The following LRP2 variants were observed in gnomAD, a reference collection of about 807,000 sequenced individuals.
LRP2 encodes LDL receptor related protein 2.
Under a neutral mutation model 531.0 loss-of-function variants are expected in LRP2, and 172 were observed. The ratio of observed to expected loss-of-function variants is 0.32; its 90% CI spans 0.29 to 0.37. LRP2 has a LOEUF of 0.37. LRP2 is among the 10% of genes least tolerant of loss of function. The pLI, the probability that LRP2 is intolerant of heterozygous loss-of-function variation, is 1.00. For synonymous variants in LRP2, 1,992 were observed against 2,027.6 expected, an observed-to-expected ratio of 0.98 and a Z score of 0.47; for missense variants, 5,167 against 5,868.3, an observed-to-expected ratio of 0.88 and a Z score of 3.90.
Position 169,244,383 on chromosome 2 carries a change from A to G in LRP2, c.3430+310T>C, listed in dbSNP as rs570216390. ...TATATGACTTTTAGTATTGTTTTAA[A>G]TATATAAATAGATAGCTGAGGGATT... is the stretch of plus-strand genomic sequence containing the variant. On this transcript the variant is annotated intron_variant, in intron 22 of 78. Transcript: ENST00000649046. Among the ~76,000 whole-genome samples, 23 of 152,342 alleles carry G rather than the reference A, an allele frequency of 1.5e-4. No homozygotes were observed. The South Asian group carries it at 4.8e-3, about 32-fold the overall frequency.
At chr2:169,237,037 T>C in intron 28 of LRP2, 66 bp downstream of exon 28, 2 of 1,345,590 alleles carry the variant, frequency 1.5e-6, no homozygotes, top group South Asian at 1.2e-5. Flanking sequence ...AGCTACATCA[T>C]GTTACTGTTG....
In LRP2 at chr2:169,215,791, A is replaced by G. The variant is rs1428279770; in HGVS notation, c.5826+462T>C. On this transcript the variant is annotated intron_variant, in intron 35 of 78. Transcript: ENST00000649046. ...TCTATATAGATCATATATAGAATCT[A>G]TATAGATTCTATATACCATATAGTA... Among the ~76,000 whole-genome samples the G allele has an allele frequency of 2.7e-5, 4 of 148,170 alleles. No individual in the cohort carries two copies. In the East Asian group the frequency reaches 7.8e-4, roughly 29 times the overall value.
In LRP2 at chr2:169,225,324, T is replaced by C; in HGVS notation, c.5524A>G (p.Thr1842Ala). The change falls in exon 33 of 79, where the codon ACT becomes GCT. Residue 1842 changes from threonine to alanine, a missense_variant. Around this residue, in one of 6 missense-constraint regions of LRP2, gnomAD observed 2,811 missense variants for 3,058.0 expected, o/e 0.92. Coordinates refer to ENST00000649046, the MANE Select transcript of LRP2 (RefSeq NM_004525.3). ...GGAATCATTACCTCGATTGACTGAG[T>C]TCTAGGATTGGTAGAATAAAGGTTT... ...SRNLYSTNPR[T>A]QSIEVLTLHG... The C allele has an allele frequency of 6.2e-7, 1 of 1,613,820 alleles. No homozygotes were observed. The highest frequency in any genetic ancestry group is 8.5e-7 in the Non-Finnish European group (1 of 1,179,846).
chr2:169,232,488 C>T (rs1816039), intron 30 of LRP2, among the ~76,000 whole-genome samples: 18,529 of 152,054 alleles, frequency 0.12, 1,604 homozygotes, highest in African/African-American at 0.24. Context: ...ATTCTAAGCA[C>T]TGGGGACGCT....
chr2:169,231,756 A>C lies in LRP2; in HGVS notation c.5185T>G (p.Ser1729Ala). The C allele has an allele frequency of 6.2e-7, 1 of 1,614,128 alleles. No individual in the cohort carries two copies. The highest frequency in any genetic ancestry group is 8.5e-7 in the Non-Finnish European group (1 of 1,179,976). Residue 1729 changes from serine to alanine, a missense_variant, in exon 31 of 79, where the codon TCA (serine) becomes GCA (alanine). Around this residue, in one of 6 missense-constraint regions of LRP2, gnomAD observed 2,811 missense variants for 3,058.0 expected, o/e 0.92. Transcript: ENST00000649046. ...GPHFYSCVCP[S>A]GWSLSPDLLN... ...AGATCAGGAGACAGACTCCATCCTG[A>C]AGGACAAACACAGGAGTAAAAATGA...
At chr2:169,151,121 T>A in intron 67 of LRP2, 95 bp from the exon 68 acceptor site, 1 of 1,276,546 alleles carries the variant, frequency 7.8e-7, no homozygotes, top group Non-Finnish European at 1.1e-6. Context: ...GTTTGGCTGG[T>A]GAGACAGCTG....
At chr2:169,139,697 G>A in intron 72 of LRP2, 87 bp from the exon 73 acceptor site, 3 of 1,099,776 alleles carry the variant, frequency 2.7e-6, no homozygotes, top group Non-Finnish European at 4.2e-6. Flanking sequence ...AGTAGAGAGA[G>A]CTTTGACTGC....
intron 16 of LRP2, among the ~76,000 whole-genome samples, chr2:169,263,317 A>G (rs572943373): frequency 6.6e-6 from 1 of 152,180 alleles, no homozygotes; most frequent in East Asian, 1.9e-4. Context: ...CAACCCACAA[A>G]ATGGGAGAAA....
At chr2:169,154,007 T>G (rs915297145) in intron 66 of LRP2, among the ~76,000 whole-genome samples, 2 of 152,328 alleles carry the variant, frequency 1.3e-5, no homozygotes, top group East Asian at 3.9e-4. Context: ...CAACTAGCTA[T>G]ATAACTTAGA....
chr2:169,262,760 G>A (rs1049772741), intron 16 of LRP2, among the ~76,000 whole-genome samples: 8 of 150,802 alleles, frequency 5.3e-5, no homozygotes, highest in African/African-American at 1.2e-4. Context: ...AAGCTCATAT[G>A]GAACCAAAAA....
chr2:169,351,717 T>A (rs1459121062), intron 1 of LRP2, among the ~76,000 whole-genome samples: 1 of 152,194 alleles, frequency 6.6e-6, no homozygotes, highest in Non-Finnish European at 1.5e-5. Context: ...AAGCTTGAGA[T>A]TGGCTTCATG....
intron 36 of LRP2, 128 bp downstream of exon 36, chr2:169,213,529 T>C: frequency 4.8e-6 from 4 of 830,634 alleles, no homozygotes; most frequent in Non-Finnish European, 8.2e-6. Context: ...TTTAAATATT[T>C]CAGGTAACTT....
At chr2:169,279,691 A>T in intron 11 of LRP2, 96 bp from the exon 12 acceptor site, 1 of 724,838 alleles carries the variant, frequency 1.4e-6, no homozygotes, top group Non-Finnish European at 2.3e-6. Context: ...AGAAGTGCTA[A>T]AAATCTAAAT....
intron 16 of LRP2, among the ~76,000 whole-genome samples, chr2:169,269,011 A>C (rs940997718): frequency 9.2e-5 from 14 of 152,174 alleles, no homozygotes; most frequent in Non-Finnish European, 2.9e-5. Flanking sequence ...CAATTGCTTC[A>C]AAGAGAATAA....
At chr2:169,260,491 G>A (rs890462233) in intron 16 of LRP2, among the ~76,000 whole-genome samples, 12 of 152,082 alleles carry the variant, frequency 7.9e-5, no homozygotes, top group African/African-American at 2.4e-4. Flanking sequence ...CTTCCTCTAA[G>A]GCCTGTGAGA....
chr2:169,352,214 A>G lies in LRP2; in HGVS notation c.79+10107T>C, dbSNP rs142758210. On this transcript the variant is annotated intron_variant, in intron 1 of 78. Coordinates refer to ENST00000649046, the MANE Select transcript of LRP2 (RefSeq NM_004525.3). The stretch of plus-strand genomic sequence containing the variant: ...AACGTTCTTAGGAGGGTCTGGGGGG[A>G]ACTTCAAAGGTGACCAAGGTAAGAA... Among the ~76,000 whole-genome samples, 38 of 152,216 alleles carry G rather than the reference A, an allele frequency of 2.5e-4. 1 individual carries two copies. In the East Asian group the frequency reaches 5.8e-3, roughly 23 times the overall value.
At chr2:169,148,192 A>G (rs1256942502) in intron 68 of LRP2, among the ~76,000 whole-genome samples, 2 of 152,240 alleles carry the variant, frequency 1.3e-5, no homozygotes, top group Non-Finnish European at 2.9e-5. Flanking sequence ...AAAAGGACAC[A>G]CATGTGAAAG....
intron 35 of LRP2, 117 bp from the exon 36 acceptor site, chr2:169,213,987 C>T: frequency 1.3e-6 from 1 of 741,980 alleles, no homozygotes; most frequent in South Asian, 1.6e-5. Flanking sequence ...CTATCCCTTA[C>T]AGAGATTTTT....
chr2:169,176,053 G>A (rs1223330022), intron 54 of LRP2, among the ~76,000 whole-genome samples: 15 of 152,270 alleles, frequency 9.9e-5, no homozygotes, highest in Non-Finnish European at 1.2e-4. Context: ...GAGCTAGGCC[G>A]GCATAGACAT....
Sources: gnomAD v4.1 joint callset for allele counts (sites outside exome capture counted in the v4.1 genomes callset) on GRCh38, gnomAD v4.1.1 for gene constraint, gnomAD v4.1.1 regional missense constraint, MANE v1.5 for transcripts, NCBI Gene and HGNC (gene_info 2026-07-23, HGNC 2026-07-21) for gene names.